Variants in LTV1 observed in about 807,000 individuals in gnomAD.
LTV1 encodes LTV1 ribosome biogenesis factor, also known as protein LTV1 homolog.
In LTV1, 39 loss-of-function variants were observed where a neutral mutation model predicts 59.9. That is an observed-to-expected ratio of 0.65 (90% CI 0.50 to 0.85). LTV1 has a LOEUF of 0.85. LTV1 is among the 40% of genes least tolerant of loss of function. The probability of loss-of-function intolerance (pLI) is 0.00; values close to 1 mark genes in which losing one functional copy is unlikely to be tolerated. For synonymous variants in LTV1, 171 were observed against 189.5 expected, an observed-to-expected ratio of 0.90 and a Z score of 0.80; for missense variants, 493 against 549.1, an observed-to-expected ratio of 0.90 and a Z score of 1.02.
Position 143,862,932 on chromosome 6 carries a change from A to G in LTV1, c.1116+36A>G, listed in dbSNP as rs778249690. 4 of 1,519,548 alleles carry G rather than the reference A, an allele frequency of 2.6e-6. No individual in the cohort carries two copies. Among genetic ancestry groups the G allele is most frequent in the South Asian group, 2.2e-5 (2 of 89,060 alleles). 94.1% of individuals were successfully genotyped at this position (1,519,548 alleles called of 1,614,324 possible). Reference sequence around the variant, plus strand: ...GTGTGCTGAGCTATTTGAAGGATGCAGTGCATAAAAAATAGAGTGCACATT... The same window carrying G: ...GTGTGCTGAGCTATTTGAAGGATGCGGTGCATAAAAAATAGAGTGCACATT... On this transcript the variant is annotated intron_variant, in intron 9 of 10. Coordinates refer to ENST00000367576, the MANE Select transcript of LTV1 (RefSeq NM_032860.5). This position sits in a 1 kb window ranked among gnomAD's most constrained non-coding sequence, Gnocchi z 4.2.
Position 143,862,212 on chromosome 6 carries a change from C to A in LTV1, c.1032C>A (p.Ala344=), listed in dbSNP as rs1366267992. The part of the protein sequence containing the change: ...EEMITVVLEE[A]KEKWDCESIC... ...TGATTACTGTAGTCCTTGAAGAAGCCAAAGAGAAGTGGGATTGTGAATCTA... is the reference window on the plus strand; with the variant it reads ...TGATTACTGTAGTCCTTGAAGAAGCAAAAGAGAAGTGGGATTGTGAATCTA... The change falls in exon 8 of 11, where the codon GCC becomes GCA. Residue 344 remains alanine (A), a synonymous_variant. Transcript: ENST00000367576. This position sits in a 1 kb window ranked among gnomAD's most constrained non-coding sequence, Gnocchi z 4.2. The A allele has an allele frequency of 2.5e-6, 4 of 1,613,016 alleles. No homozygotes were observed. The African/African-American group carries it at 5.3e-5, about 22-fold the overall frequency.
chr6:143,845,246 A>G (rs897791617), intron 2 of LTV1, among the ~76,000 whole-genome samples: 7 of 152,204 alleles, frequency 4.6e-5, no homozygotes, highest in Admixed American at 4.6e-4. Context: ...CACAACACTT[A>G]TTAAGTGTAG....
Position 143,855,059 on chromosome 6 carries a change from C to T in LTV1, c.398-2244C>T, listed in dbSNP as rs1777051637. ...TTGACAGTGGGGTGTTAAAGTCTCC[C>T]ATTATTATTGTGTGGGAGTCTAAGT... On this transcript the variant is annotated intron_variant, in intron 4 of 10. Coordinates refer to ENST00000367576, the MANE Select transcript of LTV1 (RefSeq NM_032860.5). The surrounding 1 kb of genome is among the most constrained non-coding windows in gnomAD (Gnocchi z 4.6). 6.6e-6 allele frequency among the ~76,000 whole-genome samples: 1 copy of T among 152,042 alleles called. No homozygotes were observed. Among genetic ancestry groups the T allele is most frequent in the Admixed American group, 6.6e-5 (1 of 15,260 alleles).
At position 143,850,127 on chromosome 6, in the gene LTV1, CA is replaced by C. The variant is rs1180559966; in HGVS notation, c.310-2del. The C allele has an allele frequency of 2.3e-5, 37 of 1,611,040 alleles. No individual in the cohort carries two copies. The highest frequency in any genetic ancestry group is 3.1e-5 in the Non-Finnish European group (37 of 1,178,374). ...CCTAACCATTGTGCAATTTCTTTTT[CA>C]AGAGCACTGGAATTAAGTTGCCTTC... On this transcript the variant is annotated splice_region_variant and splice_polypyrimidine_tract_variant and intron_variant, in intron 3 of 10. Transcript: ENST00000367576.
chr6:143,845,256 G>A (rs1028124589), intron 2 of LTV1, among the ~76,000 whole-genome samples: 1 of 152,144 alleles, frequency 6.6e-6, no homozygotes, highest in South Asian at 2.1e-4. Context: ...ATTAAGTGTA[G>A]ATATTATGAA....
At chr6:143,854,085 C>T (rs2128491589) in intron 4 of LTV1, among the ~76,000 whole-genome samples, 1 of 152,228 alleles carries the variant, frequency 6.6e-6, no homozygotes, top group Middle Eastern at 3.4e-3. Flanking sequence ...TGGTCCTGGG[C>T]TTCTCTTTTG....
intron 7 of LTV1, among the ~76,000 whole-genome samples, chr6:143,860,943 T>C (rs1056595466): frequency 6.6e-6 from 1 of 151,770 alleles, no homozygotes; most frequent in Non-Finnish European, 1.5e-5. Flanking sequence ...TTGCCCAGGC[T>C]GGAATGCAGT....
chr6:143,844,360 C>T, intron 1 of LTV1, 126 bp from the exon 2 acceptor site: 1 of 993,760 alleles, frequency 1.0e-6, no homozygotes, highest in South Asian at 1.6e-5. Flanking sequence ...GTTGCCTGCC[C>T]TAGAAGTGTA....
chr6:143,854,506 C>G (rs1356487375), intron 4 of LTV1, among the ~76,000 whole-genome samples: 1 of 152,026 alleles, frequency 6.6e-6, no homozygotes, highest in Non-Finnish European at 1.5e-5. Context: ...TTTGTTTGCT[C>G]TTGTTTCTCT....
At chr6:143,860,898 AT>A (rs34010559) in intron 7 of LTV1, among the ~76,000 whole-genome samples, 3,140 of 144,008 alleles carry the variant, frequency 0.022, 121 homozygotes, top group African/African-American at 0.073. Context: ...CGTTTATTAA[AT>A]TTTTTTTTTT....
intron 4 of LTV1, among the ~76,000 whole-genome samples, chr6:143,852,285 T>C (rs866017980): frequency 6.6e-6 from 1 of 152,314 alleles, no homozygotes; most frequent in African/African-American, 2.4e-5. Flanking sequence ...GTGAGATAGT[T>C]TCTCATTGTG....
Position 143,857,552 on chromosome 6 carries a change from A to G in LTV1, c.539+108A>G, listed in dbSNP as rs1372922397. ...TGGAAGAGACCTTCAAGAGCATTTA[A>G]TCTGAGACTTCTGTATTTTAGAGCA... On this transcript the variant is annotated intron_variant, in intron 5 of 10. Transcript: ENST00000367576. This position sits in a 1 kb window ranked among gnomAD's most constrained non-coding sequence, Gnocchi z 5.2. The G allele has an allele frequency of 5.2e-6, 6 of 1,154,886 alleles. No homozygotes were observed. The highest frequency in any genetic ancestry group is 7.5e-6 in the Non-Finnish European group (6 of 795,760). 71.5% of individuals were successfully genotyped at this position (1,154,886 alleles called of 1,614,324 possible). A position where few individuals can be genotyped will look rare whatever the true frequency, so the allele number is the denominator to read the frequency against.
At chr6:143,850,059 G>T (rs1028741633) in intron 3 of LTV1, 72 bp from the exon 4 acceptor site, 3 of 1,144,944 alleles carry the variant, frequency 2.6e-6, no homozygotes, top group South Asian at 2.6e-5. Context: ...ATTTGGGGGG[G>T]ACTTCAACCC....
chr6:143,845,238 C>T (rs939597582), intron 2 of LTV1, among the ~76,000 whole-genome samples: 5 of 152,072 alleles, frequency 3.3e-5, no homozygotes, highest in Non-Finnish European at 5.9e-5. Context: ...TAATGTTACA[C>T]AACACTTATT....
Position 143,863,774 on chromosome 6 carries a change from T to C in LTV1, c.*247T>C, listed in dbSNP as rs181081180. The C allele has an allele frequency of 9.9e-5, 31 of 314,134 alleles. No homozygotes were observed. The highest frequency in any genetic ancestry group is 4.7e-4 in the African/African-American group (22 of 46,724). 19.5% of individuals were successfully genotyped at this position (314,134 alleles called of 1,614,324 possible). ...AGTAAATGACTTCATGAATGTGAAATGTTTGATAAATTAAAGGAAAATATC... is the reference window on the plus strand; with the variant it reads ...AGTAAATGACTTCATGAATGTGAAACGTTTGATAAATTAAAGGAAAATATC... On this transcript the variant is annotated 3_prime_UTR_variant, in exon 11 of 11. Coordinates refer to ENST00000367576, the MANE Select transcript of LTV1 (RefSeq NM_032860.5). This position sits in a 1 kb window ranked among gnomAD's most constrained non-coding sequence, Gnocchi z 4.5.
intron 2 of LTV1, among the ~76,000 whole-genome samples, 176 bp from the exon 3 acceptor site, chr6:143,845,875 T>C (rs1776881379): frequency 6.6e-6 from 1 of 152,254 alleles, no homozygotes; most frequent in South Asian, 2.1e-4. Flanking sequence ...GTACATTTCC[T>C]GTTTGTCAAG....
rs1777101651 is a variant in LTV1 at position 143,857,796 on chromosome 6, A to T, written c.584A>T (p.Asp195Val). The T allele has an allele frequency of 6.2e-7, 1 of 1,614,098 alleles. No homozygotes were observed. The highest frequency in any genetic ancestry group is 1.3e-5 in the African/African-American group (1 of 75,044). ...GACAGCGAGTGGGAAGATGTGGATG[A>T]TGAGAAGGGAGATAGCAATGATGAC... ...EDDSEWEDVD[D>V]EKGDSNDDYD... is the part of the protein sequence containing the mutation. The change falls in exon 6 of 11, where the codon GAT (aspartate) becomes GTT (valine). Residue 195 changes from aspartate (D) to valine (V), a missense_variant. Physicochemically the swap from Asp to Val is radical, Grantham distance 152 (BLOSUM62 -3). Coordinates refer to ENST00000367576, the MANE Select transcript of LTV1 (RefSeq NM_032860.5). This position sits in a 1 kb window ranked among gnomAD's most constrained non-coding sequence, Gnocchi z 5.2.
chr6:143,844,911 ATCAT>A (rs1231838223), intron 2 of LTV1, among the ~76,000 whole-genome samples: 1 of 152,226 alleles, frequency 6.6e-6, no homozygotes, highest in Non-Finnish European at 1.5e-5. Flanking sequence ...TGATTTTTAC[ATCAT>A]TCACATTATT....
intron 4 of LTV1, among the ~76,000 whole-genome samples, 176 bp downstream of exon 4, chr6:143,850,394 A>T (rs1482926314): frequency 6.6e-6 from 1 of 152,210 alleles, no homozygotes; most frequent in Non-Finnish European, 1.5e-5. Context: ...TTGTATTCCT[A>T]CCATCAAATC....
Sources: gnomAD v4.1 joint callset for allele counts (sites outside exome capture counted in the v4.1 genomes callset) on GRCh38, gnomAD v4.1.1 for gene constraint, Gnocchi (gnomAD v3.1) non-coding constraint, MANE v1.5 for transcripts, NCBI Gene and HGNC (gene_info 2026-07-23, HGNC 2026-07-21) for gene names.